Variants in LYPD6B observed in about 807,000 individuals in gnomAD.
LYPD6B encodes ly6/PLAUR domain-containing protein 6B.
In LYPD6B, 17 loss-of-function variants were observed where a neutral mutation model predicts 22.8. The observed-to-expected ratio is 0.75, with a 90% confidence interval of 0.51 to 1.12. The LOEUF (loss-of-function observed/expected upper bound fraction) is 1.12. Among genes scored for constraint, LYPD6B ranks in the 50% most tolerant of loss-of-function variants. LYPD6B has a pLI of 0.00. For synonymous variants in LYPD6B, 106 were observed against 91.6 expected, an observed-to-expected ratio of 1.16 and a Z score of -0.90; for missense variants, 221 against 258.3, an observed-to-expected ratio of 0.86 and a Z score of 0.99.
intron 4 of LYPD6B, among the ~76,000 whole-genome samples, chr2:149,207,267 T>C (rs1003683553): frequency 7.9e-5 from 12 of 152,184 alleles, no homozygotes; most frequent in African/African-American, 2.9e-4. Context: ...TGTTCTTGTT[T>C]TGTGCTACCA....
intron 1 of LYPD6B, among the ~76,000 whole-genome samples, chr2:149,064,894 C>T (rs1249128951): frequency 1.3e-5 from 2 of 152,170 alleles, no homozygotes; most frequent in Admixed American, 1.3e-4. Flanking sequence ...ATGATGGTCA[C>T]CTTCTGGTGC....
intron 4 of LYPD6B, chr2:149,206,282 T>A (rs1228041432): frequency 4.0e-6 from 1 of 247,262 alleles, no homozygotes; most frequent in Non-Finnish European, 8.2e-6. Flanking sequence ...TGGTCAGGTG[T>A]GAGAACCCCC....
At chr2:149,198,531 G>A (rs535052191) in intron 3 of LYPD6B, among the ~76,000 whole-genome samples, 1 of 152,248 alleles carries the variant, frequency 6.6e-6, no homozygotes, top group East Asian at 1.9e-4. Context: ...AAATTGATTA[G>A]ACTGTTTCTC....
At chr2:149,078,070 C>G (rs1358053964) in intron 1 of LYPD6B, among the ~76,000 whole-genome samples, 1 of 152,146 alleles carries the variant, frequency 6.6e-6, no homozygotes. Context: ...GTTAATTCAC[C>G]TGGTAGGCTG....
At chr2:149,152,732 T>C (rs773918402) in intron 2 of LYPD6B, among the ~76,000 whole-genome samples, 2 of 152,208 alleles carry the variant, frequency 1.3e-5, no homozygotes, top group Non-Finnish European at 2.9e-5. Flanking sequence ...GTATGGAAAT[T>C]GGATTATAAT....
chr2:149,213,043 C>A lies in LYPD6B; in HGVS notation c.380C>A (p.Thr127Lys). ...CACTTCACCAGCCACGGAAGAAGCA[C>A]ATCCATCACCAAAAAGTGTGCCTCC... ...VHHFTSHGRS[T>K]SITKKCASRS... The change falls in exon 6 of 7, where the codon ACA (threonine) becomes AAA (lysine). Residue 127 changes from threonine (T) to lysine (K), a missense_variant. Thr to Lys is a moderately conservative substitution (Grantham distance 78, BLOSUM62 -1). Coordinates refer to ENST00000409642, the MANE Select transcript of LYPD6B (RefSeq NM_177964.5). 1.2e-6 allele frequency: 2 copies of A among 1,613,976 alleles called. No homozygotes were observed. The highest frequency in any genetic ancestry group is 1.7e-6 in the Non-Finnish European group (2 of 1,179,850).
intron 3 of LYPD6B, among the ~76,000 whole-genome samples, chr2:149,190,846 T>C (rs993083580): frequency 6.6e-6 from 1 of 152,196 alleles, no homozygotes; most frequent in Non-Finnish European, 1.5e-5. Flanking sequence ...CTTCAAGTTA[T>C]ATGTTTCTTA....
At chr2:149,202,775 A>G (rs1693252239) in intron 3 of LYPD6B, among the ~76,000 whole-genome samples, 1 of 152,212 alleles carries the variant, frequency 6.6e-6, no homozygotes, top group Non-Finnish European at 1.5e-5. Context: ...AGGAAAACCA[A>G]ACTTCTTACT....
intron 2 of LYPD6B, among the ~76,000 whole-genome samples, chr2:149,157,603 T>C (rs1236423852): frequency 1.3e-5 from 2 of 152,218 alleles, no homozygotes; most frequent in African/African-American, 4.8e-5. Flanking sequence ...GGACATCTTT[T>C]GATGACTCAC....
At chr2:149,160,063 A>T (rs1689960838) in intron 2 of LYPD6B, among the ~76,000 whole-genome samples, 1 of 152,064 alleles carries the variant, frequency 6.6e-6, no homozygotes, top group African/African-American at 2.4e-5. Context: ...CTAAGATGGG[A>T]GGATCGCTTG....
chr2:149,085,268 G>C, intron 1 of LYPD6B, among the ~76,000 whole-genome samples: 1 of 152,152 alleles, frequency 6.6e-6, no homozygotes, highest in East Asian at 1.9e-4. Flanking sequence ...CCACATGTTC[G>C]TGCCCTTCAG....
At chr2:149,092,634 A>T (rs1685709634) in intron 1 of LYPD6B, among the ~76,000 whole-genome samples, 1 of 152,234 alleles carries the variant, frequency 6.6e-6, no homozygotes, top group Non-Finnish European at 1.5e-5. Context: ...TCTGTCTAAT[A>T]GAGTATAAGT....
At chr2:149,152,563 C>T (rs898375342) in intron 2 of LYPD6B, among the ~76,000 whole-genome samples, 1 of 152,082 alleles carries the variant, frequency 6.6e-6, no homozygotes, top group Non-Finnish European at 1.5e-5. Flanking sequence ...AGGGGCTGGG[C>T]GTTAAGGACA....
chr2:149,080,554 T>C (rs1685075496), intron 1 of LYPD6B, among the ~76,000 whole-genome samples: 1 of 152,126 alleles, frequency 6.6e-6, no homozygotes, highest in African/African-American at 2.4e-5. Context: ...AAGAATCCAG[T>C]ATATTAGCTG....
intron 1 of LYPD6B, among the ~76,000 whole-genome samples, chr2:149,078,011 A>G (rs1247066845): frequency 6.6e-6 from 1 of 152,148 alleles, no homozygotes; most frequent in African/African-American, 2.4e-5. Context: ...TCTGTGTCTG[A>G]ATTGCTCAGA....
intron 1 of LYPD6B, among the ~76,000 whole-genome samples, chr2:149,097,275 T>C (rs907395553): frequency 6.6e-6 from 1 of 152,190 alleles, no homozygotes; most frequent in African/African-American, 2.4e-5. Flanking sequence ...AAGAACAAGA[T>C]GCAGACAATG....
At chr2:149,177,622 G>A (rs1691406363) in intron 3 of LYPD6B, among the ~76,000 whole-genome samples, 1 of 152,172 alleles carries the variant, frequency 6.6e-6, no homozygotes, top group Non-Finnish European at 1.5e-5. Context: ...GATCTGCAAG[G>A]GATTGGAGTA....
At chr2:149,051,214 G>A (rs924640725) in intron 1 of LYPD6B, among the ~76,000 whole-genome samples, 2 of 151,714 alleles carry the variant, frequency 1.3e-5, no homozygotes. Flanking sequence ...TGCCCAGGCT[G>A]GAGTGCAGTG....
chr2:149,066,300 A>G (rs938544611), intron 1 of LYPD6B, among the ~76,000 whole-genome samples: 2 of 151,906 alleles, frequency 1.3e-5, no homozygotes, highest in Non-Finnish European at 2.9e-5. Flanking sequence ...TACATTAGAT[A>G]TATCTCCTAA....
Sources: allele counts gnomAD v4.1 joint callset (sites outside exome capture counted in the v4.1 genomes callset), GRCh38; gene constraint gnomAD v4.1.1; transcripts MANE v1.5; gene names NCBI Gene and HGNC (gene_info 2026-07-23, HGNC 2026-07-21).